CDH2: variants seen among roughly 807,000 people sequenced by gnomAD.
The protein encoded by CDH2 is cadherin-2.
In CDH2, 17 loss-of-function variants were observed where a neutral mutation model predicts 92.0. The observed-to-expected ratio is 0.18, with a 90% confidence interval of 0.13 to 0.28. The LOEUF (loss-of-function observed/expected upper bound fraction) is 0.28. Among genes scored for constraint, CDH2 ranks in the 10% least tolerant of loss-of-function variants. The pLI, the probability that CDH2 is intolerant of heterozygous loss-of-function variation, is 1.00. For synonymous variants in CDH2, 419 were observed against 415.9 expected (o/e 1.01, Z -0.09); for missense variants, 862 against 1,133.1 (o/e 0.76, Z 3.44).
At chr18:27,978,811 C>T (rs1389418079) in intron 14 of CDH2, among the ~76,000 whole-genome samples, 4 of 151,872 alleles carry the variant, frequency 2.6e-5, no homozygotes, top group Non-Finnish European at 4.4e-5. Flanking sequence ...AGCTACCATG[C>T]CTGGTTAATT....
intron 14 of CDH2, among the ~76,000 whole-genome samples, chr18:27,981,506 A>G (rs536083644): frequency 7.9e-5 from 12 of 152,324 alleles, no homozygotes; most frequent in Non-Finnish European, 1.3e-4. Context: ...GAGCTGGGGT[A>G]TTGTAAACCA....
At chr18:27,949,148 A>C (rs556948194), downstream of CDH2, among the ~76,000 whole-genome samples, 6 of 152,118 alleles carry the variant, frequency 3.9e-5, no homozygotes, top group South Asian at 4.1e-4. Flanking sequence ...AGAAAAAAGA[A>C]GGCGGCCCTG....
chr18:27,957,476 T>C (rs1017878527), intron 15 of CDH2, among the ~76,000 whole-genome samples: 12 of 151,840 alleles, frequency 7.9e-5, no homozygotes, highest in Non-Finnish European at 1.2e-4. Context: ...GGTCTCAAAC[T>C]CCTAGGCTCA....
chr18:27,959,918 G>T (rs1359797380), intron 15 of CDH2, among the ~76,000 whole-genome samples: 1 of 151,888 alleles, frequency 6.6e-6, no homozygotes, highest in Non-Finnish European at 1.5e-5. Flanking sequence ...GGAAGGTTGA[G>T]GATGGAGGAT....
intron 10 of CDH2, 23 bp downstream of exon 10, chr18:27,990,074 A>C (rs1232521613): frequency 6.2e-7 from 1 of 1,606,848 alleles, no homozygotes; most frequent in Admixed American, 1.7e-5. Flanking sequence ...AGCTACAAAA[A>C]CACTACAAAC....
At chr18:28,094,533 G>A (rs909251936) in intron 2 of CDH2, among the ~76,000 whole-genome samples, 5 of 151,174 alleles carry the variant, frequency 3.3e-5, no homozygotes, top group Non-Finnish European at 2.9e-5. Flanking sequence ...GGTGGCTCAC[G>A]CCTGTAATCC....
rs558031825 is a variant in CDH2, at chr18:27,984,549, C to T, written c.2209+451G>A. 4.6e-5 allele frequency among the ~76,000 whole-genome samples: 7 copies of T among 152,268 alleles called. No individual in the cohort carries two copies. The South Asian group carries it at 1.2e-3, about 27-fold the overall frequency. On this transcript the variant is annotated intron_variant, in intron 13 of 15. Coordinates refer to ENST00000269141, the MANE Select transcript of CDH2 (RefSeq NM_001792.5). ...TACACAGCCCTTCAGAAACAAATAC[C>T]TTGATCCTCGCATGACTGGAGCACG...
Position 28,005,890 on chromosome 18 carries a change from T to C in CDH2, c.806A>G (p.His269Arg), listed in dbSNP as rs1229222461. 6.2e-7 allele frequency: 1 copy of C among 1,612,554 alleles called. No homozygotes were observed. The highest frequency in any genetic ancestry group is 8.5e-7 in the Non-Finnish European group (1 of 1,178,592). Residue 269 changes from histidine (H) to arginine (R), a missense_variant, in exon 6 of 16, where the codon CAC (histidine) becomes CGC (arginine). This residue lies in a region of CDH2 where 564 missense variants were observed against 722.2 expected (regional missense o/e 0.78). Transcript: ENST00000269141. Reference sequence around the variant, plus strand: ...AGGAACTGTCCCATTCCAAACCTGGTGTAAGAACTCAGGTCTGTTGTCATT... The same window carrying C: ...AGGAACTGTCCCATTCCAAACCTGGCGTAAGAACTCAGGTCTGTTGTCATT... ...DMNDNRPEFL[H>R]QVWNGTVPEG...
At chr18:27,959,692 G>A (rs2011346100) in intron 15 of CDH2, 1 of 152,122 alleles carries the variant, frequency 6.6e-6, no homozygotes, top group Non-Finnish European at 1.5e-5. Context: ...TCCCTTAAAA[G>A]TCCCACAGAA....
At chr18:28,114,665 T>C (rs2015466299) in intron 2 of CDH2, among the ~76,000 whole-genome samples, 1 of 152,082 alleles carries the variant, frequency 6.6e-6, no homozygotes, top group Non-Finnish European at 1.5e-5. Flanking sequence ...CATATCAAGC[T>C]GTAGTTCAAA....
chr18:28,133,713 C>T (rs1186654072), intron 2 of CDH2, among the ~76,000 whole-genome samples: 4 of 151,616 alleles, frequency 2.6e-5, no homozygotes, highest in Non-Finnish European at 4.4e-5. Flanking sequence ...CTTTCATATG[C>T]TAGCTCTTAA....
intron 2 of CDH2, among the ~76,000 whole-genome samples, chr18:28,024,192 T>A (rs150366794): frequency 6.6e-6 from 1 of 152,158 alleles, no homozygotes; most frequent in East Asian, 1.9e-4. Context: ...AAATGAAATG[T>A]TTACTCCATG....
intron 1 of CDH2, among the ~76,000 whole-genome samples, chr18:28,168,938 C>T (rs538618381): frequency 2.6e-5 from 4 of 152,208 alleles, no homozygotes; most frequent in South Asian, 2.1e-4. Context: ...GCTTTGTAGT[C>T]AAGCCCAACT....
At chr18:27,993,003 T>A (rs1252914052) in intron 8 of CDH2, among the ~76,000 whole-genome samples, 163 bp from the exon 9 acceptor site, 1 of 152,210 alleles carries the variant, frequency 6.6e-6, no homozygotes, top group East Asian at 1.9e-4. Flanking sequence ...TATGTCTGAC[T>A]TTAAAAATAC....
At chr18:28,152,100 T>A (rs1318231031) in intron 1 of CDH2, among the ~76,000 whole-genome samples, 1 of 152,160 alleles carries the variant, frequency 6.6e-6, no homozygotes, top group African/African-American at 2.4e-5. Context: ...TGCAGATCCC[T>A]CGAATAGTGT....
At chr18:28,046,315 T>A (rs2014074410) in intron 2 of CDH2, among the ~76,000 whole-genome samples, 1 of 152,186 alleles carries the variant, frequency 6.6e-6, no homozygotes, top group Non-Finnish European at 1.5e-5. Context: ...GTAACTAAAC[T>A]TTTAGAAAAA....
At chr18:28,102,791 T>C (rs1007478102) in intron 2 of CDH2, among the ~76,000 whole-genome samples, 1 of 151,910 alleles carries the variant, frequency 6.6e-6, no homozygotes, top group Non-Finnish European at 1.5e-5. Flanking sequence ...AAAGTACTTA[T>C]CTGAGAAACT....
At position 28,177,129 on chromosome 18, in the gene CDH2, G is replaced by A; in HGVS notation, c.-107C>T. On this transcript the variant is annotated 5_prime_UTR_variant, in exon 1 of 16. Transcript: ENST00000269141. ...GCACCAACAGCGGCGCGGAGAAACGGCTCCAGGCAGTTTCCACCCCCTTCC... is the reference window on the plus strand; with the variant it reads ...GCACCAACAGCGGCGCGGAGAAACGACTCCAGGCAGTTTCCACCCCCTTCC... The A allele has an allele frequency of 6.7e-6, 5 of 748,752 alleles. No individual in the cohort carries two copies. Among genetic ancestry groups the A allele is most frequent in the South Asian group, 1.8e-5 (1 of 54,302 alleles). 46.4% of individuals were successfully genotyped at this position (748,752 alleles called of 1,614,324 possible). A position where few individuals can be genotyped will look rare whatever the true frequency, so the allele number is the denominator to read the frequency against.
chr18:28,079,218 A>G (rs1006180481), intron 2 of CDH2, among the ~76,000 whole-genome samples: 1 of 152,214 alleles, frequency 6.6e-6, no homozygotes, highest in African/African-American at 2.4e-5. Context: ...CATGAATGGG[A>G]TAAGTGTTTT....
Sources: allele counts gnomAD v4.1 joint callset (sites outside exome capture counted in the v4.1 genomes callset), GRCh38; gene constraint gnomAD v4.1.1; regional missense constraint gnomAD v4.1.1; transcripts MANE v1.5; gene names NCBI Gene and HGNC (gene_info 2026-07-23, HGNC 2026-07-21).